PLXDC1: variants seen among roughly 807,000 people sequenced by gnomAD.
PLXDC1 encodes the protein plexin domain-containing protein 1.
Under a neutral mutation model 61.3 loss-of-function variants are expected in PLXDC1, and 39 were observed. The ratio of observed to expected loss-of-function variants is 0.64; its 90% CI spans 0.49 to 0.83. The LOEUF is 0.83. Ranked by LOEUF, PLXDC1 falls within the 40% of genes least tolerant of loss-of-function variation. PLXDC1 has a pLI of 0.00. For missense variants in PLXDC1, 596 were observed against 666.5 expected (o/e 0.89, Z 1.17); for synonymous variants, 212 against 254.5 (o/e 0.83, Z 1.59).
intron 7 of PLXDC1, among the ~76,000 whole-genome samples, chr17:39,095,375 C>G (rs1232115613): frequency 1.9e-4 from 2 of 10,450 alleles, no homozygotes; most frequent in African/African-American, 3.6e-4. Flanking sequence ...CCGCCCCCCC[C>G]CCCCAACCCC....
upstream of PLXDC1, among the ~76,000 whole-genome samples, chr17:39,151,801 G>A (rs971674227): frequency 6.6e-6 from 1 of 152,190 alleles, no homozygotes; most frequent in African/African-American, 2.4e-5. This position sits in a 1 kb window ranked among gnomAD's most constrained non-coding sequence, Gnocchi z 5.2. Context: ...GGCAAGGGGT[G>A]CAGAGTAGGG....
intron 11 of PLXDC1, among the ~76,000 whole-genome samples, chr17:39,074,485 A>G (rs1402993495): frequency 6.6e-6 from 1 of 152,174 alleles, no homozygotes; most frequent in African/African-American, 2.4e-5. Flanking sequence ...AAACATGGAA[A>G]TGAGACCCAT....
At chr17:39,141,367 T>C (rs62074967) in intron 1 of PLXDC1, among the ~76,000 whole-genome samples, 36,369 of 152,186 alleles carry the variant, frequency 0.24, 5,271 homozygotes, top group Non-Finnish European at 0.33. Context: ...AAGTATCTCA[T>C]ATAAATGGCA....
intron 2 of PLXDC1, among the ~76,000 whole-genome samples, chr17:39,114,969 G>C (rs748896729): frequency 2.0e-5 from 3 of 152,222 alleles, no homozygotes; most frequent in Non-Finnish European, 4.4e-5. Flanking sequence ...AGATGCTGAC[G>C]TGTCTCTTGC....
chr17:39,093,235 AT>A (rs139901385), intron 7 of PLXDC1, among the ~76,000 whole-genome samples: 282 of 150,852 alleles, frequency 1.9e-3, no homozygotes, highest in Middle Eastern at 6.8e-3. Context: ...TGCCCTGGTA[AT>A]TTTTTTTTAT....
intron 2 of PLXDC1, among the ~76,000 whole-genome samples, chr17:39,126,480 C>G (rs1299990235): frequency 6.6e-6 from 1 of 151,940 alleles, no homozygotes; most frequent in Non-Finnish European, 1.5e-5. Flanking sequence ...AAATAAAGAC[C>G]AAAACACTTC....
intron 2 of PLXDC1, chr17:39,131,814 T>A (rs1291661409): frequency 6.6e-6 from 1 of 152,622 alleles, no homozygotes; most frequent in Non-Finnish European, 1.5e-5. Flanking sequence ...GCTTGCCCCC[T>A]GTGGTTTGTG....
At chr17:39,128,494 A>G (rs1425656185) in intron 2 of PLXDC1, among the ~76,000 whole-genome samples, 1 of 150,594 alleles carries the variant, frequency 6.6e-6, no homozygotes, top group African/African-American at 2.4e-5. Flanking sequence ...TGCTGGGATT[A>G]CAGGCATGAG....
In PLXDC1 at chr17:39,138,289, T is replaced by C. The variant is rs956519171; in HGVS notation, c.255+1365A>G. Among the ~76,000 whole-genome samples, 7 of 152,022 alleles carry C rather than the reference T, an allele frequency of 4.6e-5. No individual in the cohort carries two copies. In the South Asian group the frequency reaches 1.0e-3, roughly 23 times the overall value. On this transcript the variant is annotated intron_variant, in intron 2 of 13. Coordinates refer to ENST00000315392, the MANE Select transcript of PLXDC1 (RefSeq NM_020405.5). ...GACGTGTAGGAAAATGTAGCTACGGTAGGCACAGAAAACTAAGTAAGCAAG... is the reference window on the plus strand; with the variant it reads ...GACGTGTAGGAAAATGTAGCTACGGCAGGCACAGAAAACTAAGTAAGCAAG...
chr17:39,114,962 T>C (rs1000827461), intron 2 of PLXDC1, among the ~76,000 whole-genome samples: 2 of 152,226 alleles, frequency 1.3e-5, no homozygotes, highest in Non-Finnish European at 2.9e-5. Flanking sequence ...CCCAAACAGA[T>C]GCTGACGTGT....
At chr17:39,097,081 C>T in intron 7 of PLXDC1, 1 of 447,376 alleles carries the variant, frequency 2.2e-6, no homozygotes, top group Non-Finnish European at 4.7e-6. Flanking sequence ...CCCCATTGCA[C>T]CTCCCATCCC....
intron 9 of PLXDC1, among the ~76,000 whole-genome samples, chr17:39,082,563 C>CT (rs35716213): frequency 3.5e-5 from 5 of 143,752 alleles, no homozygotes; most frequent in African/African-American, 5.1e-5. Context: ...AAAACTCTCT[C>CT]AAAAAAAAAA....
intron 2 of PLXDC1, among the ~76,000 whole-genome samples, chr17:39,119,379 G>C (rs1043227941): frequency 7.2e-5 from 11 of 152,132 alleles, no homozygotes; most frequent in Admixed American, 6.5e-4. Context: ...ACCCTGATCT[G>C]ATCACTATAC....
chr17:39,122,510 A>C (rs1369964991), intron 2 of PLXDC1, among the ~76,000 whole-genome samples: 1 of 152,038 alleles, frequency 6.6e-6, no homozygotes, highest in Non-Finnish European at 1.5e-5. Context: ...TAGAAGGCAG[A>C]GCCGCAAGAT....
chr17:39,122,113 G>GT (rs146458629), intron 2 of PLXDC1, among the ~76,000 whole-genome samples: 1 of 115,376 alleles, frequency 8.7e-6, no homozygotes, highest in Admixed American at 8.9e-5. Flanking sequence ...AAAAAAAAAG[G>GT]GGGGGGGGAC....
upstream of PLXDC1, chr17:39,152,913 T>A (rs1420737736): frequency 2.7e-6 from 1 of 368,000 alleles, no homozygotes; most frequent in Non-Finnish European, 4.8e-6. Context: ...CTAAACCCAA[T>A]GTCCCCTTAC....
At chr17:39,113,625 G>A (rs547690840) in intron 2 of PLXDC1, among the ~76,000 whole-genome samples, 1 of 152,228 alleles carries the variant, frequency 6.6e-6, no homozygotes, top group South Asian at 2.1e-4. Context: ...AGGATCACTT[G>A]AGGCCAGGAG....
chr17:39,063,851 A>G lies in PLXDC1; in HGVS notation c.*3989T>C, dbSNP rs1908798074. Reference sequence around the variant, plus strand: ...GGGAGTCTGAGTGCAGCCCCTGATCAGTGCTTCATGCCAATCTGTGAGTCT... The same window carrying G: ...GGGAGTCTGAGTGCAGCCCCTGATCGGTGCTTCATGCCAATCTGTGAGTCT... On this transcript the variant is annotated 3_prime_UTR_variant, in exon 14 of 14. Coordinates refer to ENST00000315392, the MANE Select transcript of PLXDC1 (RefSeq NM_020405.5). 8.3e-6 allele frequency: 2 copies of G among 240,842 alleles called. No individual in the cohort carries two copies. Among genetic ancestry groups the G allele is most frequent in the South Asian group, 1.2e-4 (2 of 16,414 alleles). 14.9% of individuals were successfully genotyped at this position (240,842 alleles called of 1,614,324 possible). A position where few individuals can be genotyped will look rare whatever the true frequency, so the allele number is the denominator to read the frequency against.
intron 7 of PLXDC1, among the ~76,000 whole-genome samples, chr17:39,098,566 G>C (rs1442045268): frequency 6.6e-6 from 1 of 152,204 alleles, no homozygotes; most frequent in African/African-American, 2.4e-5. Context: ...AGGACAATAA[G>C]TTCTATGTTA....
Sources: allele counts gnomAD v4.1 joint callset (sites outside exome capture counted in the v4.1 genomes callset), GRCh38; gene constraint gnomAD v4.1.1; non-coding constraint Gnocchi (gnomAD v3.1); transcripts MANE v1.5; gene names NCBI Gene and HGNC (gene_info 2026-07-23, HGNC 2026-07-21).